The following PCED1B variants were observed in gnomAD, a reference collection of about 807,000 sequenced individuals.
The protein encoded by PCED1B is PC-esterase domain-containing protein 1B.
For synonymous variants in PCED1B, 251 were observed against 246.1 expected (o/e 1.02, Z -0.19); for missense variants, 573 against 573.9 (o/e 1.00, Z 0.02).
chr12:47,089,373 G>A (rs369406880), intron 1 of PCED1B, among the ~76,000 whole-genome samples: 2 of 149,122 alleles, frequency 1.3e-5, no homozygotes, highest in African/African-American at 2.5e-5. Flanking sequence ...CATGAACCCG[G>A]GTGGCGGGGC....
intron 2 of PCED1B, among the ~76,000 whole-genome samples, chr12:47,212,135 G>C (rs1434421675): frequency 6.6e-6 from 1 of 151,536 alleles, no homozygotes. Flanking sequence ...GCAGGGCATG[G>C]TGGCTCACTC....
intron 2 of PCED1B, among the ~76,000 whole-genome samples, chr12:47,120,673 G>C (rs939220327): frequency 2.0e-5 from 3 of 152,066 alleles, no homozygotes; most frequent in African/African-American, 7.2e-5. Flanking sequence ...ATGGTGGTCA[G>C]TACCTGTAAT....
intron 2 of PCED1B, among the ~76,000 whole-genome samples, chr12:47,160,256 T>TTTTTC (rs1301484210): frequency 6.6e-6 from 1 of 151,590 alleles, no homozygotes; most frequent in Non-Finnish European, 1.5e-5. Context: ...TTGTTGGCTG[T>TTTTTC]TTTTCTTTTC....
intron 2 of PCED1B, among the ~76,000 whole-genome samples, chr12:47,141,118 A>T (rs1320021436): frequency 6.6e-6 from 1 of 152,164 alleles, no homozygotes; most frequent in East Asian, 1.9e-4. Flanking sequence ...GCTCTTTACT[A>T]GGTATAGAGC....
chr12:47,124,206 A>G (rs1322684465), intron 2 of PCED1B, among the ~76,000 whole-genome samples: 1 of 152,048 alleles, frequency 6.6e-6, no homozygotes, highest in African/African-American at 2.4e-5. Flanking sequence ...CTAGGAAATC[A>G]TTAACTGCTT....
intron 2 of PCED1B, chr12:47,135,911 G>A (rs1403585405): frequency 4.4e-5 from 10 of 228,286 alleles, no homozygotes; most frequent in Non-Finnish European, 9.1e-5. Flanking sequence ...TGGTCTCCAG[G>A]GAGAACCAGC....
chr12:47,109,660 T>C (rs529333865), intron 2 of PCED1B, among the ~76,000 whole-genome samples: 2 of 152,228 alleles, frequency 1.3e-5, no homozygotes, highest in Non-Finnish European at 2.9e-5. Context: ...TTATCTCTAT[T>C]CAGTCATGCA....
intron 1 of PCED1B, among the ~76,000 whole-genome samples, chr12:47,095,363 T>C (rs1938443994): frequency 6.6e-6 from 1 of 152,102 alleles, no homozygotes. Context: ...TCTGGCTGCT[T>C]TTATGATTTT....
intron 2 of PCED1B, among the ~76,000 whole-genome samples, chr12:47,156,232 T>C (rs79530711): frequency 0.054 from 8,284 of 152,174 alleles, 722 homozygotes; most frequent in African/African-American, 0.19. Context: ...ATATAAAGCC[T>C]TGAGGTAGTG....
intron 2 of PCED1B, among the ~76,000 whole-genome samples, chr12:47,159,826 A>C (rs1328427388): frequency 6.6e-6 from 1 of 151,734 alleles, no homozygotes; most frequent in East Asian, 1.9e-4. Context: ...CCAACGTCCT[A>C]AAATGTTTCT....
intron 3 of PCED1B, among the ~76,000 whole-genome samples, chr12:47,234,044 A>G (rs1472890646): frequency 6.6e-6 from 1 of 152,064 alleles, no homozygotes; most frequent in African/African-American, 2.4e-5. Flanking sequence ...CTAAAGTGCA[A>G]TGGCGCGATC....
intron 2 of PCED1B, among the ~76,000 whole-genome samples, chr12:47,198,514 C>T (rs1435357539): frequency 6.6e-6 from 1 of 152,060 alleles, no homozygotes; most frequent in East Asian, 1.9e-4. Context: ...TGTCCCCTCC[C>T]TCTCACTACT....
chr12:47,157,617 A>G (rs1246962756), intron 2 of PCED1B, among the ~76,000 whole-genome samples: 1 of 152,144 alleles, frequency 6.6e-6, no homozygotes, highest in African/African-American at 2.4e-5. Flanking sequence ...ATTTTTTTCT[A>G]ATTTTTTTCA....
At chr12:47,213,645 A>G (rs1028173912) in intron 2 of PCED1B, among the ~76,000 whole-genome samples, 3 of 152,252 alleles carry the variant, frequency 2.0e-5, no homozygotes, top group Non-Finnish European at 4.4e-5. Context: ...TGCTAATAGT[A>G]AAGGATATCT....
At chr12:47,170,685 A>G (rs1406283475) in intron 2 of PCED1B, among the ~76,000 whole-genome samples, 2 of 152,228 alleles carry the variant, frequency 1.3e-5, no homozygotes, top group Non-Finnish European at 2.9e-5. Flanking sequence ...TTTAAGCATT[A>G]AAAAACCAAT....
intron 2 of PCED1B, among the ~76,000 whole-genome samples, chr12:47,151,632 G>A (rs1306590961): frequency 6.6e-6 from 1 of 152,210 alleles, no homozygotes; most frequent in Non-Finnish European, 1.5e-5. Flanking sequence ...TATAATTCCT[G>A]TCTGAGTTTG....
chr12:47,137,761 A>C (rs1004645134), intron 2 of PCED1B, among the ~76,000 whole-genome samples: 2 of 151,454 alleles, frequency 1.3e-5, no homozygotes, highest in Non-Finnish European at 2.9e-5. Context: ...AGAAAAAAAA[A>C]AACAACCCAA....
chr12:47,114,915 A>G (rs1195850255), intron 2 of PCED1B, among the ~76,000 whole-genome samples: 4 of 152,230 alleles, frequency 2.6e-5, no homozygotes, highest in Admixed American at 2.6e-4. Context: ...ACAGGTGGGA[A>G]GTAGATTTGG....
intron 2 of PCED1B, among the ~76,000 whole-genome samples, chr12:47,214,226 G>GT (rs1239856173): frequency 2.0e-5 from 3 of 152,116 alleles, no homozygotes; most frequent in Non-Finnish European, 2.9e-5. Context: ...AATGCATAAG[G>GT]TATGGAATTA....
Sources: allele counts gnomAD v4.1 joint callset (sites outside exome capture counted in the v4.1 genomes callset), GRCh38; gene constraint gnomAD v4.1.1; transcripts MANE v1.5; gene names NCBI Gene and HGNC (gene_info 2026-07-23, HGNC 2026-07-21).